The following FARP1 variants were observed in gnomAD, a reference collection of about 807,000 sequenced individuals.
FARP1 encodes the protein FERM, ARH/RhoGEF and pleckstrin domain protein 1, also known as FERM, ARHGEF and pleckstrin domain-containing protein 1.
In FARP1, 52 loss-of-function variants were observed where a neutral mutation model predicts 128.8. The ratio of observed to expected loss-of-function variants is 0.40; its 90% CI spans 0.32 to 0.51. FARP1 has a LOEUF of 0.51. Among genes scored for constraint, FARP1 ranks in the 20% least tolerant of loss-of-function variants. The pLI, the probability that FARP1 is intolerant of heterozygous loss-of-function variation, is 0.45. For synonymous variants in FARP1, 580 were observed against 551.8 expected (o/e 1.05, Z -0.72); for missense variants, 1,333 against 1,367.9 (o/e 0.97, Z 0.40).
At chr13:98,372,081 CTTTTTTTTTTTTT>C (rs56838920) in intron 5 of FARP1, among the ~76,000 whole-genome samples, 1 of 92,340 alleles carries the variant, frequency 1.1e-5, no homozygotes, top group Non-Finnish European at 2.0e-5. Flanking sequence ...CCCAGTTTTT[CTTTTTTTTTTTTT>C]TTTTTTTTTG....
intron 13 of FARP1, among the ~76,000 whole-genome samples, chr13:98,409,088 C>G (rs1020863501): frequency 1.3e-5 from 2 of 152,138 alleles, no homozygotes; most frequent in Non-Finnish European, 2.9e-5. Flanking sequence ...ATTTTAATTG[C>G]TATCTAAGCA....
intron 2 of FARP1, among the ~76,000 whole-genome samples, chr13:98,322,793 C>T (rs1430607314): frequency 9.2e-5 from 14 of 152,246 alleles, no homozygotes; most frequent in East Asian, 7.7e-4. Context: ...CAAAGGCAGC[C>T]GAAACCCAAC....
rs773959877 is a variant in FARP1 at position 98,213,329 on chromosome 13, G to A, written c.87G>A (p.Gln29=). 3 of 1,614,172 alleles carry A rather than the reference G, an allele frequency of 1.9e-6. No individual in the cohort carries two copies. Among genetic ancestry groups the A allele is most frequent in the South Asian group, 2.2e-5 (2 of 91,072 alleles). Residue 29 remains glutamine (Q), a synonymous_variant, in exon 2 of 27, where the codon CAG becomes CAA. Coordinates refer to ENST00000319562, the MANE Select transcript of FARP1 (RefSeq NM_005766.4). ...GGATCAGTACCTTGGAACGTGGACA[G>A]AAGCCGCCCCCAACACCTTCAGGAA... is the stretch of plus-strand genomic sequence containing the variant. ...NSGISTLERG[Q]KPPPTPSGKL... is the part of the protein sequence containing the mutation.
chr13:98,414,613 T>A (rs2140127029), intron 16 of FARP1, among the ~76,000 whole-genome samples: 1 of 152,232 alleles, frequency 6.6e-6, no homozygotes, highest in Admixed American at 6.5e-5. Context: ...TATATCAGAG[T>A]CTCTGAGGGG....
intron 3 of FARP1, among the ~76,000 whole-genome samples, chr13:98,356,944 C>CT (rs915362457): frequency 9.2e-5 from 14 of 152,042 alleles, no homozygotes. Context: ...AGAAATTACC[C>CT]TTTTTTAAAT....
At chr13:98,446,578 C>CAA (rs1892849185) in intron 25 of FARP1, 88 bp from the exon 26 acceptor site, 1 of 1,427,954 alleles carries the variant, frequency 7.0e-7, no homozygotes, top group Non-Finnish European at 9.7e-7. Context: ...CCTGGGCTCC[C>CAA]AAGTCCCTGT....
At chr13:98,430,932 A>C in intron 17 of FARP1, 111 bp from the exon 18 acceptor site, 1 of 686,338 alleles carries the variant, frequency 1.5e-6, no homozygotes, top group Non-Finnish European at 2.6e-6. Flanking sequence ...AATTAAACAA[A>C]TCGTGAAATA....
At chr13:98,258,925 G>T (rs1883740713) in intron 2 of FARP1, among the ~76,000 whole-genome samples, 2 of 152,126 alleles carry the variant, frequency 1.3e-5, no homozygotes, top group African/African-American at 4.8e-5. Flanking sequence ...AAAATCATCA[G>T]GGCTGGGCCT....
chr13:98,215,067 T>C (rs1880978816), intron 2 of FARP1, among the ~76,000 whole-genome samples: 1 of 152,294 alleles, frequency 6.6e-6, no homozygotes, highest in East Asian at 1.9e-4. Context: ...GTGCACTCAC[T>C]CCAGGGATCG....
chr13:98,276,080 G>T (rs946810250), intron 2 of FARP1, among the ~76,000 whole-genome samples: 5 of 152,168 alleles, frequency 3.3e-5, no homozygotes, highest in African/African-American at 1.2e-4. Context: ...TGACATCTCT[G>T]CATGTTCATT....
At chr13:98,417,840 C>T (rs1271697785) in intron 16 of FARP1, among the ~76,000 whole-genome samples, 1 of 152,162 alleles carries the variant, frequency 6.6e-6, no homozygotes, top group Non-Finnish European at 1.5e-5. Context: ...CACCAGTGAG[C>T]CATCATAGAA....
intron 3 of FARP1, among the ~76,000 whole-genome samples, chr13:98,358,696 C>T (rs1222842371): frequency 6.6e-6 from 1 of 151,878 alleles, no homozygotes. Flanking sequence ...AGTGCAATGG[C>T]GCGATCTTGG....
intron 25 of FARP1, 140 bp from the exon 26 acceptor site, chr13:98,446,526 C>A: frequency 2.4e-6 from 2 of 826,836 alleles, no homozygotes; most frequent in Non-Finnish European, 3.9e-6. Flanking sequence ...CAAACACTGG[C>A]TGCCATGGTC....
At chr13:98,397,957 C>G (rs1890618024) in intron 13 of FARP1, 1 of 134,816 alleles carries the variant, frequency 7.4e-6, no homozygotes, top group South Asian at 2.4e-4. Flanking sequence ...TCCTAAGTAA[C>G]TACAAAATTA....
intron 15 of FARP1, 66 bp downstream of exon 15, chr13:98,410,889 CG>C: frequency 2.5e-6 from 2 of 784,548 alleles, no homozygotes; most frequent in Non-Finnish European, 4.3e-6. Flanking sequence ...CTCAGCTATA[CG>C]GGGAGGCTGG....
intron 2 of FARP1, among the ~76,000 whole-genome samples, chr13:98,231,039 A>G (rs2139403403): frequency 6.6e-6 from 1 of 152,270 alleles, no homozygotes; most frequent in African/African-American, 2.4e-5. Context: ...TACCACGAGA[A>G]CAGTAAGGGG....
intron 2 of FARP1, among the ~76,000 whole-genome samples, chr13:98,231,491 G>T (rs1882112985): frequency 6.6e-6 from 1 of 152,144 alleles, no homozygotes; most frequent in Non-Finnish European, 1.5e-5. Context: ...AAGCTGGAGT[G>T]CAGTGGCATA....
intron 2 of FARP1, among the ~76,000 whole-genome samples, chr13:98,313,738 T>C (rs1477646098): frequency 2.6e-5 from 4 of 152,062 alleles, no homozygotes; most frequent in Admixed American, 2.0e-4. Flanking sequence ...GTCATTCCTT[T>C]AGAGAAAAAA....
intron 2 of FARP1, among the ~76,000 whole-genome samples, chr13:98,308,457 G>A (rs1391433914): frequency 1.3e-5 from 2 of 152,118 alleles, no homozygotes; most frequent in Admixed American, 6.5e-5. Flanking sequence ...GGGAATGGAC[G>A]AAGATAGAAG....
Sources: allele counts gnomAD v4.1 joint callset (sites outside exome capture counted in the v4.1 genomes callset), GRCh38; gene constraint gnomAD v4.1.1; transcripts MANE v1.5; gene names NCBI Gene and HGNC (gene_info 2026-07-23, HGNC 2026-07-21).